YIPF3: variants seen among roughly 807,000 people sequenced by gnomAD.
YIPF3 encodes the protein Yip1 domain family member 3.
In YIPF3, 18 loss-of-function variants were observed where a neutral mutation model predicts 40.3. The observed-to-expected ratio is 0.45, with a 90% CI of 0.31 to 0.66. The LOEUF (loss-of-function observed/expected upper bound fraction) is 0.66. Ranked by LOEUF, YIPF3 falls within the 30% of genes least tolerant of loss-of-function variation. The probability of loss-of-function intolerance (pLI) is 0.07; values close to 1 mark genes in which losing one functional copy is unlikely to be tolerated. For synonymous variants in YIPF3, 190 were observed against 179.6 expected, an observed-to-expected ratio of 1.06 and a Z score of -0.46; for missense variants, 406 against 452.2, an observed-to-expected ratio of 0.90 and a Z score of 0.93.
chr6:43,516,318 G>T, intron 1 of YIPF3: 1 of 1,043,106 alleles, frequency 9.6e-7, no homozygotes, highest in Non-Finnish European at 1.3e-6. Flanking sequence ...TTCCATTCAT[G>T]TCTTTCTCCT....
chr6:43,512,908 C>T (rs370979769), intron 6 of YIPF3, 34 bp from the exon 7 acceptor site: 1 of 1,605,644 alleles, frequency 6.2e-7, no homozygotes, highest in African/African-American at 1.3e-5. Flanking sequence ...GAAAATCATT[C>T]AGGTTGGGCT....
chr6:43,512,470 G>C lies in YIPF3; in HGVS notation c.874C>G (p.Leu292Val). The C allele has an allele frequency of 1.2e-6, 2 of 1,614,168 alleles. No individual in the cohort carries two copies. Among genetic ancestry groups the C allele is most frequent in the South Asian group, 1.1e-5 (1 of 91,088 alleles). The change falls in exon 8 of 9, where the codon CTG becomes GTG. Residue 292 changes from leucine (L) to valine (V), a missense_variant. Transcript: ENST00000372422. ...ACCACTTTGTGGTAGGCAAAATGCA[G>C]ATAGAGCAGGAAGAGCATGTGTAGG... ...AALHMLFLLY[L>V]HFAYHKVVEG...
Position 43,515,597 on chromosome 6 carries a change from G to A in YIPF3, c.393C>T (p.Ser131=), listed in dbSNP as rs765703278. The change falls in exon 3 of 9, where the codon AGC becomes AGT. Residue 131 remains serine (S), a splice_region_variant and synonymous_variant. Transcript: ENST00000372422. ...TTCTTCAAGAGAAGGCTCCTCACCT[G>A]CTTCGCACCTGAGCAGGCTCCACAT... is the stretch of plus-strand genomic sequence containing the variant. ...YFDVEPAQVR[S]RLLESMIPIK... The A allele has an allele frequency of 6.2e-7, 1 of 1,613,344 alleles. No individual in the cohort carries two copies. The highest frequency in any genetic ancestry group is 8.5e-7 in the Non-Finnish European group (1 of 1,179,998).
chr6:43,513,457 A>C lies in YIPF3; in HGVS notation c.442-6T>G. 2 of 1,614,160 alleles carry C rather than the reference A, an allele frequency of 1.2e-6. No homozygotes were observed. Among genetic ancestry groups the C allele is most frequent in the Non-Finnish European group, 1.7e-6 (2 of 1,180,008 alleles). ...TAGAGTTCACCTGCAATTTTCTGTC[A>C]ATATACCAATTCATTCAGGCTGGAG... On this transcript the variant is annotated splice_region_variant and splice_polypyrimidine_tract_variant and intron_variant, in intron 4 of 8. Transcript: ENST00000372422.
chr6:43,512,727 CAG>C, intron 7 of YIPF3, 32 bp downstream of exon 7: 1 of 1,598,746 alleles, frequency 6.3e-7, no homozygotes, highest in South Asian at 1.1e-5. Context: ...CCTGGGAGGA[CAG>C]CCCACCCCTG....
At chr6:43,512,626 C>T in intron 7 of YIPF3, 63 bp from the exon 8 acceptor site, 1 of 1,557,430 alleles carries the variant, frequency 6.4e-7, no homozygotes, top group Non-Finnish European at 8.7e-7. Context: ...GGACAAGACA[C>T]CCCCACCCAG....
intron 1 of YIPF3, chr6:43,516,329 A>C: frequency 1.0e-6 from 1 of 966,132 alleles, no homozygotes. Context: ...TCTTTCTCCT[A>C]TGTTACCTAT....
At chr6:43,516,245 T>G in intron 1 of YIPF3, 150 bp from the exon 2 acceptor site, 1 of 1,451,292 alleles carries the variant, frequency 6.9e-7, no homozygotes, top group Non-Finnish European at 9.1e-7. Flanking sequence ...CCCCCTCATA[T>G]GCTCTCAGAA....
At position 43,511,884 on chromosome 6, in the gene YIPF3, T is replaced by C. The variant is rs888246322; in HGVS notation, c.*283A>G. 14 of 452,132 alleles carry C rather than the reference T, an allele frequency of 3.1e-5. No individual in the cohort carries two copies. The highest frequency in any genetic ancestry group is 4.3e-5 in the East Asian group (1 of 23,072). 28.0% of individuals were successfully genotyped at this position (452,132 alleles called of 1,614,324 possible). A position where few individuals can be genotyped will look rare whatever the true frequency, so the allele number is the denominator to read the frequency against. ...ACCAAGTCTATATTTAGCAAGACAA[T>C]GTGGGAGAGATAAAGAGGAAGGAAG... On this transcript the variant is annotated 3_prime_UTR_variant, in exon 9 of 9. Coordinates refer to ENST00000372422, the MANE Select transcript of YIPF3 (RefSeq NM_015388.4).
At chr6:43,514,737 G>A (rs545821842) in intron 3 of YIPF3, among the ~76,000 whole-genome samples, 1 of 152,216 alleles carries the variant, frequency 6.6e-6, no homozygotes, top group Non-Finnish European at 1.5e-5. Context: ...TACCTGCTGA[G>A]TGGTCCTGGG....
chr6:43,512,998 A>T (rs1792704028), intron 6 of YIPF3, 71 bp downstream of exon 6: 6 of 1,601,878 alleles, frequency 3.7e-6, no homozygotes, highest in Admixed American at 3.4e-5. Context: ...TTGGGGCCCC[A>T]GGACAGATGC....
In YIPF3 at chr6:43,512,437, T is replaced by C; in HGVS notation, c.904+3A>G. The C allele has an allele frequency of 1.2e-6, 2 of 1,614,198 alleles. No individual in the cohort carries two copies. The highest frequency in any genetic ancestry group is 8.5e-7 in the Non-Finnish European group (1 of 1,180,040). On this transcript the variant is annotated splice_donor_region_variant and intron_variant, in intron 8 of 8. Coordinates refer to ENST00000372422, the MANE Select transcript of YIPF3 (RefSeq NM_015388.4). ...CCCCCACCCAGACCTTCCTGCCACT[T>C]ACCCTCTACCACTTTGTGGTAGGCA... is the stretch of plus-strand genomic sequence containing the variant.
Position 43,513,647 on chromosome 6 carries a change from G to A in YIPF3, c.396-14C>T, listed in dbSNP as rs1446607330. 6.5e-7 allele frequency: 1 copy of A among 1,541,198 alleles called. No homozygotes were observed. Among genetic ancestry groups the A allele is most frequent in the South Asian group, 1.3e-5 (1 of 78,958 alleles). On this transcript the variant is annotated splice_polypyrimidine_tract_variant and intron_variant, in intron 3 of 8. Transcript: ENST00000372422. ...GACTCCAGGAGCCTGGGAGAGGAGAGGAGAGATTAAAGCAAAGGCAGCACA... is the reference window on the plus strand; with the variant it reads ...GACTCCAGGAGCCTGGGAGAGGAGAAGAGAGATTAAAGCAAAGGCAGCACA...
chr6:43,516,029 T>C lies in YIPF3; in HGVS notation c.148A>G (p.Met50Val), dbSNP rs1232329112. The C allele has an allele frequency of 1.9e-6, 3 of 1,614,236 alleles. No homozygotes were observed. The highest frequency in any genetic ancestry group is 1.1e-5 in the South Asian group (1 of 91,088). ...CGCAGGCGCTGATGCAGCTCACCCA[T>C]ATCCTCGAAGCTAGAGCCTGAGGTA... ...DDTSGSSFED[M>V]GELHQRLREE... Residue 50 changes from methionine (M) to valine (V), a missense_variant, in exon 2 of 9, where the codon ATG (methionine) becomes GTG (valine). Met to Val is a conservative substitution (Grantham distance 21). Coordinates refer to ENST00000372422, the MANE Select transcript of YIPF3 (RefSeq NM_015388.4).
chr6:43,516,624 T>G (rs1792842862), intron 1 of YIPF3, 103 bp downstream of exon 1: 1 of 1,380,028 alleles, frequency 7.2e-7, no homozygotes, highest in African/African-American at 1.4e-5. Context: ...AAGAGAGTTT[T>G]GTAAATGGAG....
Position 43,516,710 on chromosome 6 carries a change from T to C in YIPF3, c.81+17A>G. 1.9e-6 allele frequency: 3 copies of C among 1,612,148 alleles called. No homozygotes were observed. The South Asian group carries it at 3.3e-5, about 18-fold the overall frequency. On this transcript the variant is annotated intron_variant, in intron 1 of 8. Coordinates refer to ENST00000372422, the MANE Select transcript of YIPF3 (RefSeq NM_015388.4). ...CGGCCCTCCGGCTGCTGGCAGCTGG[T>C]GCCTTGGGGCCATTACCTGGATGTT...
In YIPF3 at chr6:43,512,041, C is replaced by T. The variant is rs532415373; in HGVS notation, c.*126G>A. The T allele has an allele frequency of 6.8e-5, 97 of 1,435,298 alleles. No individual in the cohort carries two copies. The Admixed American group carries it at 1.0e-3, about 15-fold the overall frequency. 88.9% of individuals were successfully genotyped at this position (1,435,298 alleles called of 1,614,324 possible). A position where few individuals can be genotyped will look rare whatever the true frequency, so the allele number is the denominator to read the frequency against. On this transcript the variant is annotated 3_prime_UTR_variant, in exon 9 of 9. Coordinates refer to ENST00000372422, the MANE Select transcript of YIPF3 (RefSeq NM_015388.4). ...CCGACAGGCATCAAGGAGGTACTTA[C>T]GCAGCTACAGCTCAGTGGCAGCTGC...
chr6:43,516,900 G>C lies in YIPF3; in HGVS notation c.-93C>G, dbSNP rs560735222. On this transcript the variant is annotated 5_prime_UTR_variant, in exon 1 of 9. Transcript: ENST00000372422. Reference sequence around the variant, plus strand: ...CTCCGGAAGGTAGACGTCCAGGGTCGAGGAGAGGTGGGATCGGCCGGAACA... The same window carrying C: ...CTCCGGAAGGTAGACGTCCAGGGTCCAGGAGAGGTGGGATCGGCCGGAACA... 8.6e-6 allele frequency: 12 copies of C among 1,396,366 alleles called. No individual in the cohort carries two copies. The Admixed American group carries it at 1.0e-4, about 12-fold the overall frequency. 86.5% of individuals were successfully genotyped at this position (1,396,366 alleles called of 1,614,324 possible).
intron 3 of YIPF3, 64 bp from the exon 4 acceptor site, chr6:43,513,697 G>A: frequency 1.4e-6 from 2 of 1,475,572 alleles, no homozygotes; most frequent in South Asian, 1.4e-5. Flanking sequence ...TGGAGGGCAA[G>A]GCCTGAATTT....
Sources: allele counts gnomAD v4.1 joint callset (sites outside exome capture counted in the v4.1 genomes callset), GRCh38; gene constraint gnomAD v4.1.1; transcripts MANE v1.5; gene names NCBI Gene and HGNC (gene_info 2026-07-23, HGNC 2026-07-21).